The following PTPRD variants were observed in gnomAD, a reference collection of about 807,000 sequenced individuals.
PTPRD encodes the protein protein tyrosine phosphatase receptor type D, also known as receptor-type tyrosine-protein phosphatase delta.
In PTPRD, 34 loss-of-function variants were observed where a neutral mutation model predicts 214.5. The observed-to-expected ratio is 0.16, with a 90% CI of 0.12 to 0.21. The LOEUF is 0.21. Ranked by LOEUF, PTPRD falls within the 10% of genes least tolerant of loss-of-function variation. The probability of loss-of-function intolerance (pLI) is 1.00; values close to 1 mark genes in which losing one functional copy is unlikely to be tolerated. For synonymous variants in PTPRD, 1,128 were observed against 845.7 expected (o/e 1.33, Z -5.79); for missense variants, 2,545 against 2,398.7 (o/e 1.06, Z -1.27).
Position 9,173,754 on chromosome 9 carries a change from C to G in PTPRD, c.-143+9550G>C, listed in dbSNP as rs554057518. 3.9e-5 allele frequency among the ~76,000 whole-genome samples: 6 copies of G among 152,228 alleles called. No individual in the cohort carries two copies. The East Asian group carries it at 1.2e-3, about 29-fold the overall frequency. ...CATGGTTGACCATGGACCATTGTTA[C>G]ACAAAGCATGACTCTATTTTAAATC... is the stretch of plus-strand genomic sequence containing the variant. On this transcript the variant is annotated intron_variant, in intron 10 of 45. Transcript: ENST00000381196.
chr9:10,008,375 T>C (rs1401729345), intron 4 of PTPRD, among the ~76,000 whole-genome samples: 1 of 151,962 alleles, frequency 6.6e-6, no homozygotes, highest in Non-Finnish European at 1.5e-5. Flanking sequence ...CCACCAACTG[T>C]GGACCAGCTG....
chr9:9,539,940 T>C (rs926197325), intron 8 of PTPRD, among the ~76,000 whole-genome samples: 4 of 151,830 alleles, frequency 2.6e-5, no homozygotes, highest in African/African-American at 9.7e-5. Flanking sequence ...TAATATTCCT[T>C]AATGGGGGAA....
chr9:10,197,223 G>C (rs921906237), intron 3 of PTPRD, among the ~76,000 whole-genome samples: 1 of 151,976 alleles, frequency 6.6e-6, no homozygotes, highest in Non-Finnish European at 1.5e-5. Context: ...TTCCTCTTTT[G>C]ATGCATTCTG....
At chr9:8,858,954 A>T (rs1474083304) in intron 11 of PTPRD, among the ~76,000 whole-genome samples, 1 of 152,162 alleles carries the variant, frequency 6.6e-6, no homozygotes, top group East Asian at 1.9e-4. Flanking sequence ...CTCCTAAGAG[A>T]TGCACACCCG....
intron 9 of PTPRD, among the ~76,000 whole-genome samples, chr9:9,381,216 T>A (rs1264811090): frequency 6.6e-6 from 1 of 152,100 alleles, no homozygotes; most frequent in Non-Finnish European, 1.5e-5. Flanking sequence ...TTTAATACTA[T>A]TAAATTTGTT....
intron 5 of PTPRD, among the ~76,000 whole-genome samples, chr9:9,788,103 C>T (rs1013695683): frequency 2.0e-5 from 3 of 151,140 alleles, no homozygotes; most frequent in Admixed American, 1.3e-4. Flanking sequence ...CTTTTACAAT[C>T]AGTAGACACT....
Position 8,485,798 on chromosome 9 carries a change from G to A in PTPRD, c.3019C>T (p.Pro1007Ser), listed in dbSNP as rs750659786. The part of the protein sequence containing the change: ...HTSKGPGPYS[P>S]SVQFRTLPVD... ...GGCAGTGTCCTGAACTGGACACTGG[G>A]ACTATATGGCCCGGGCCCTTTGCTC... Residue 1007 changes from proline (P) to serine (S), a missense_variant, in exon 28 of 46, where the codon CCC becomes TCC. Coordinates refer to ENST00000381196, the MANE Select transcript of PTPRD (RefSeq NM_002839.4). 2.5e-5 allele frequency: 40 copies of A among 1,613,606 alleles called. No individual in the cohort carries two copies. Among genetic ancestry groups the A allele is most frequent in the Non-Finnish European group, 3.3e-5 (39 of 1,179,986 alleles).
At chr9:10,027,151 T>G (rs950173386) in intron 4 of PTPRD, among the ~76,000 whole-genome samples, 7 of 152,170 alleles carry the variant, frequency 4.6e-5, no homozygotes, top group Admixed American at 3.9e-4. Context: ...TGGGGGGAAA[T>G]GTCTGCTATA....
intron 12 of PTPRD, chr9:8,713,452 G>C (rs1036166045): frequency 1.8e-6 from 2 of 1,108,666 alleles, no homozygotes; most frequent in Non-Finnish European, 2.7e-6. Flanking sequence ...CTGGTACTTC[G>C]TATCTCAGTT....
At chr9:10,203,718 C>T (rs1033029055) in intron 3 of PTPRD, among the ~76,000 whole-genome samples, 2 of 152,032 alleles carry the variant, frequency 1.3e-5, no homozygotes, top group Non-Finnish European at 2.9e-5. Context: ...CATGCACATA[C>T]CTAAAATGGA....
chr9:9,963,643 C>T (rs543259895), intron 4 of PTPRD, among the ~76,000 whole-genome samples: 7 of 152,216 alleles, frequency 4.6e-5, no homozygotes, highest in Admixed American at 1.3e-4. Context: ...TAGGTAGAGA[C>T]AGTTGATGTT....
chr9:10,270,267 G>GT (rs1472184789), intron 3 of PTPRD, among the ~76,000 whole-genome samples: 2 of 151,862 alleles, frequency 1.3e-5, no homozygotes, highest in African/African-American at 2.4e-5. Context: ...GGTAGCAATA[G>GT]TTTTTTTGAA....
chr9:9,378,299 C>T (rs561187638), intron 9 of PTPRD, among the ~76,000 whole-genome samples: 198 of 152,136 alleles, frequency 1.3e-3, no homozygotes, highest in African/African-American at 4.6e-3. Context: ...TTTCAGATGG[C>T]CTTTTTTTCA....
chr9:9,572,622 ATG>A (rs2086868381), intron 8 of PTPRD, among the ~76,000 whole-genome samples: 1 of 147,684 alleles, frequency 6.8e-6, no homozygotes, highest in Non-Finnish European at 1.5e-5. Context: ...TCATACATAT[ATG>A]TATATATATG....
chr9:9,916,346 AACC>A (rs971947460), intron 5 of PTPRD, among the ~76,000 whole-genome samples: 12 of 151,964 alleles, frequency 7.9e-5, no homozygotes, highest in Non-Finnish European at 1.3e-4. Flanking sequence ...CACTATAGAA[AACC>A]AACCAACCAC....
intron 8 of PTPRD, among the ~76,000 whole-genome samples, chr9:9,479,215 GCC>G (rs769053229): frequency 0.017 from 344 of 20,536 alleles, 5 homozygotes; most frequent in Admixed American, 0.029. Context: ...ACACACACAC[GCC>G]CCCCCCCCCC....
chr9:9,483,034 T>G (rs949681271), intron 8 of PTPRD, among the ~76,000 whole-genome samples: 1 of 152,162 alleles, frequency 6.6e-6, no homozygotes, highest in Non-Finnish European at 1.5e-5. Context: ...AATTCTGCAG[T>G]TCTGTGATAA....
intron 2 of PTPRD, among the ~76,000 whole-genome samples, chr9:10,612,130 A>G (rs1250296682): frequency 6.6e-6 from 1 of 151,748 alleles, no homozygotes; most frequent in African/African-American, 2.4e-5. Context: ...TAGCCCTTGA[A>G]CAATAAACGT....
rs10977824 is a variant in PTPRD, at chr9:9,500,372, T to A, written c.-237+74360A>T. On this transcript the variant is annotated intron_variant, in intron 8 of 45. Transcript: ENST00000381196. ...GATTTTTGAAGGATAACAAAATGAA[T>A]TAGGTTCTACATTTCCTTGGATTTC... Among the ~76,000 whole-genome samples, 228 of 152,178 alleles carry A rather than the reference T, an allele frequency of 1.5e-3. 3 individuals are homozygous for A. The East Asian group carries it at 0.037, about 24-fold the overall frequency.
Sources: gnomAD v4.1 joint callset for allele counts (sites outside exome capture counted in the v4.1 genomes callset) on GRCh38, gnomAD v4.1.1 for gene constraint, MANE v1.5 for transcripts, NCBI Gene and HGNC (gene_info 2026-07-23, HGNC 2026-07-21) for gene names.